The following DIP2C variants were observed in gnomAD, a reference collection of about 807,000 sequenced individuals.
The protein encoded by DIP2C is disco-interacting protein 2 homolog C.
A neutral mutation model predicts 192.4 loss-of-function variants in DIP2C; 33 were observed. That is an observed-to-expected ratio of 0.17 (90% CI 0.13 to 0.23). The LOEUF (loss-of-function observed/expected upper bound fraction) is 0.23, where lower values mean the gene tolerates loss of function less well. Ranked by LOEUF, DIP2C falls within the 10% of genes least tolerant of loss-of-function variation. DIP2C has a pLI of 1.00. For synonymous variants in DIP2C, 979 were observed against 864.1 expected (o/e 1.13, Z -2.33); for missense variants, 1,537 against 2,110.1 (o/e 0.73, Z 5.32).
intron 1 of DIP2C, among the ~76,000 whole-genome samples, chr10:674,044 ACT>A (rs1250507609): frequency 6.6e-6 from 1 of 152,052 alleles, no homozygotes; most frequent in Non-Finnish European, 1.5e-5. Context: ...CAAAAGAAAA[ACT>A]CTACTTCCTT....
Position 341,303 on chromosome 10 carries a change from G to A in DIP2C, c.3480C>T (p.Phe1160=). The change falls in exon 29 of 37, where the codon TTC becomes TTT. Residue 1160 remains phenylalanine (F), a synonymous_variant. Coordinates refer to ENST00000280886, the MANE Select transcript of DIP2C (RefSeq NM_014974.3). ...VKMSHAATSA[F]CRSIKLQCEL... is the part of the protein sequence containing the mutation. ...CACACTGCAGCTTAATGGAACGGCA[G>A]AAGGCACTGGTGGCTGCGTGAGACA... 1 of 1,614,160 alleles carries A rather than the reference G, an allele frequency of 6.2e-7. No homozygotes were observed. Among genetic ancestry groups the A allele is most frequent in the African/African-American group, 1.3e-5 (1 of 75,044 alleles).
At chr10:304,273 A>G (rs1017085015) in intron 32 of DIP2C, among the ~76,000 whole-genome samples, 29 of 152,188 alleles carry the variant, frequency 1.9e-4, no homozygotes, top group Non-Finnish European at 4.4e-5. Context: ...CACAACATCA[A>G]TAAACTCCAT....
intron 4 of DIP2C, among the ~76,000 whole-genome samples, chr10:439,642 CA>C (rs1967569379): frequency 6.6e-6 from 1 of 152,088 alleles, no homozygotes; most frequent in Non-Finnish European, 1.5e-5. Context: ...CAAAAAACAA[CA>C]AAAACCCCAA....
intron 1 of DIP2C, among the ~76,000 whole-genome samples, chr10:493,502 T>C (rs1055906506): frequency 2.0e-5 from 3 of 152,166 alleles, no homozygotes; most frequent in Non-Finnish European, 4.4e-5. Context: ...TTCCATTATT[T>C]CCAGCTGGAC....
chr10:391,701 C>T (rs1963467051), intron 10 of DIP2C, among the ~76,000 whole-genome samples: 1 of 152,180 alleles, frequency 6.6e-6, no homozygotes, highest in South Asian at 2.1e-4. Context: ...AAAAATGCCA[C>T]ATTGTAGTGA....
At chr10:667,860 A>G (rs574911967) in intron 1 of DIP2C, 4 of 152,330 alleles carry the variant, frequency 2.6e-5, no homozygotes, top group East Asian at 1.9e-4. Flanking sequence ...CATACAACAT[A>G]CATGCAACTC....
intron 34 of DIP2C, among the ~76,000 whole-genome samples, chr10:284,546 T>C (rs901021267): frequency 2.0e-5 from 3 of 152,162 alleles, no homozygotes; most frequent in African/African-American, 7.2e-5. Context: ...TCTAAAAAGC[T>C]GAGTTCATAG....
chr10:589,947 T>G (rs111672178), intron 1 of DIP2C, among the ~76,000 whole-genome samples: 40 of 152,354 alleles, frequency 2.6e-4, no homozygotes, highest in African/African-American at 9.1e-4. Context: ...GAGAAGCGTG[T>G]GATAAGTTAC....
At chr10:297,192 A>AAAAACAAAACAAAAC (rs1331191292) in intron 32 of DIP2C, among the ~76,000 whole-genome samples, 1 of 151,308 alleles carries the variant, frequency 6.6e-6, no homozygotes, top group African/African-American at 2.4e-5. Flanking sequence ...AGACTGTCTC[A>AAAAACAAAACAAAAC]AAAACAAAAC....
intron 1 of DIP2C, among the ~76,000 whole-genome samples, chr10:594,874 G>A (rs188911412): frequency 4.8e-4 from 73 of 152,250 alleles, no homozygotes; most frequent in African/African-American, 1.4e-3. Flanking sequence ...AGCCTGATTC[G>A]GGCTTTGACC....
chr10:483,342 C>G (rs1843748596), intron 2 of DIP2C, among the ~76,000 whole-genome samples: 1 of 152,240 alleles, frequency 6.6e-6, no homozygotes, highest in African/African-American at 2.4e-5. Context: ...GAAGTCACGT[C>G]CCATGGGGCC....
chr10:583,788 G>A (rs999092936), intron 1 of DIP2C, among the ~76,000 whole-genome samples: 2 of 152,102 alleles, frequency 1.3e-5, no homozygotes, highest in East Asian at 3.8e-4. Flanking sequence ...CCACCCGATC[G>A]CTCCAAAACA....
At chr10:631,827 G>A (rs551665233) in intron 1 of DIP2C, among the ~76,000 whole-genome samples, 23 of 152,146 alleles carry the variant, frequency 1.5e-4, no homozygotes, top group Admixed American at 1.5e-3. Context: ...GAAGTTTGGC[G>A]AAGGCATTTT....
chr10:559,457 T>C (rs1849084776), intron 1 of DIP2C, among the ~76,000 whole-genome samples: 1 of 152,190 alleles, frequency 6.6e-6, no homozygotes, highest in Non-Finnish European at 1.5e-5. Flanking sequence ...GCCCAGGGCC[T>C]GGACTCCTCA....
At chr10:638,359 C>A (rs1854949177) in intron 1 of DIP2C, among the ~76,000 whole-genome samples, 1 of 152,150 alleles carries the variant, frequency 6.6e-6, no homozygotes, top group Admixed American at 6.5e-5. Context: ...TAGGAGAATT[C>A]TATTTAATTT....
intron 23 of DIP2C, 140 bp downstream of exon 23, chr10:357,688 G>GGTTGCGGACAGTCAGACACT (rs1959151446): frequency 1.7e-6 from 1 of 600,312 alleles, no homozygotes; most frequent in Middle Eastern, 4.8e-4. Context: ...TGTCGGGGAC[G>GGTTGCGGACAGTCAGACACT]GTTGCGGACA....
chr10:674,818 A>AGAGAGAGAGAGAGAGG (rs1830813741), intron 1 of DIP2C, among the ~76,000 whole-genome samples: 3 of 146,904 alleles, frequency 2.0e-5, no homozygotes, highest in Admixed American at 1.4e-4. Flanking sequence ...AGAGAGAGAG[A>AGAGAGAGAGAGAGAGG]GAGAGAGAGA....
At chr10:606,448 C>G (rs984238371) in intron 1 of DIP2C, among the ~76,000 whole-genome samples, 15 of 151,480 alleles carry the variant, frequency 9.9e-5, no homozygotes, top group African/African-American at 3.6e-4. Context: ...GGAAGGGGAT[C>G]TCTCGCCCCG....
intron 1 of DIP2C, among the ~76,000 whole-genome samples, chr10:672,780 T>A (rs765319813): frequency 9.2e-5 from 14 of 152,224 alleles, no homozygotes; most frequent in Non-Finnish European, 1.8e-4. Context: ...GTGCCGTCTC[T>A]TGACCAGAAA....
Sources: allele counts gnomAD v4.1 joint callset (sites outside exome capture counted in the v4.1 genomes callset), GRCh38; gene constraint gnomAD v4.1.1; transcripts MANE v1.5; gene names NCBI Gene and HGNC (gene_info 2026-07-23, HGNC 2026-07-21).